The following CCDC148 variants were observed in gnomAD, a reference collection of about 807,000 sequenced individuals.
The protein encoded by CCDC148 is coiled-coil domain containing 148.
CCDC148 carries 89 observed loss-of-function variants against 85.7 expected under a neutral mutation model. The ratio of observed to expected loss-of-function variants is 1.04; its 90% CI spans 0.87 to 1.24. The LOEUF (loss-of-function observed/expected upper bound fraction) is 1.24. Ranked by LOEUF, CCDC148 falls within the 50% of genes most tolerant of loss-of-function variation. The pLI, the probability that CCDC148 is intolerant of heterozygous loss-of-function variation, is 0.00. For missense variants in CCDC148, 692 were observed against 671.7 expected, an observed-to-expected ratio of 1.03 and a Z score of -0.33; for synonymous variants, 230 against 213.9, an observed-to-expected ratio of 1.08 and a Z score of -0.66.
intron 7 of CCDC148, among the ~76,000 whole-genome samples, chr2:158,333,303 T>C (rs1370377381): frequency 6.6e-6 from 1 of 152,232 alleles, no homozygotes; most frequent in African/African-American, 2.4e-5. Flanking sequence ...AGGAGCAGGT[T>C]GTTCAGTTTC....
At chr2:158,203,018 A>G (rs1243104501) in intron 11 of CCDC148, among the ~76,000 whole-genome samples, 4 of 152,172 alleles carry the variant, frequency 2.6e-5, no homozygotes, top group Admixed American at 1.3e-4. Flanking sequence ...GACCTCCAAG[A>G]TTAAAGAAGT....
intron 7 of CCDC148, among the ~76,000 whole-genome samples, chr2:158,331,829 A>C (rs1042164690): frequency 5.3e-5 from 8 of 151,940 alleles, no homozygotes; most frequent in Admixed American, 2.6e-4. Flanking sequence ...GGATTGCAAC[A>C]CCTGCCTTTT....
chr2:158,333,855 A>G (rs1037798340), intron 7 of CCDC148, among the ~76,000 whole-genome samples: 2 of 152,070 alleles, frequency 1.3e-5, no homozygotes, highest in African/African-American at 4.8e-5. Flanking sequence ...GAAGTTGGGT[A>G]GTATCAGTCC....
At chr2:158,294,009 CTT>C (rs1559049792) in intron 9 of CCDC148, among the ~76,000 whole-genome samples, 1 of 10,580 alleles carries the variant, frequency 9.5e-5, no homozygotes, top group Non-Finnish European at 1.5e-4. Context: ...TCCCTCCTTC[CTT>C]CCTTCCTTCC....
At chr2:158,277,663 CTCG>C (rs1690020334) in intron 9 of CCDC148, among the ~76,000 whole-genome samples, 1 of 139,798 alleles carries the variant, frequency 7.2e-6, no homozygotes, top group African/African-American at 2.9e-5. Context: ...GTGGCGTGAT[CTCG>C]CCTCACTGTA....
At chr2:158,427,169 C>A (rs1687116170) in intron 1 of CCDC148, among the ~76,000 whole-genome samples, 1 of 152,072 alleles carries the variant, frequency 6.6e-6, no homozygotes, top group African/African-American at 2.4e-5. Context: ...TTTAAAAGGC[C>A]ATAAATAGTC....
At chr2:158,185,540 T>C (rs760502973) in intron 11 of CCDC148, among the ~76,000 whole-genome samples, 3 of 152,106 alleles carry the variant, frequency 2.0e-5, no homozygotes, top group Non-Finnish European at 4.4e-5. Context: ...TTTTAATCAG[T>C]TCTAAGCCTG....
intron 2 of CCDC148, among the ~76,000 whole-genome samples, chr2:158,349,274 G>GT (rs1683145289): frequency 2.6e-5 from 4 of 152,010 alleles, no homozygotes; most frequent in African/African-American, 9.6e-5. Flanking sequence ...GAAAAGTGCT[G>GT]TAATAATTAA....
At chr2:158,408,453 A>T (rs1374630668) in intron 1 of CCDC148, among the ~76,000 whole-genome samples, 1 of 152,074 alleles carries the variant, frequency 6.6e-6, no homozygotes, top group African/African-American at 2.4e-5. Context: ...GACTATTTTA[A>T]ATTCCACATA....
chr2:158,427,434 G>T (rs1001056140), intron 1 of CCDC148, among the ~76,000 whole-genome samples: 2 of 151,982 alleles, frequency 1.3e-5, no homozygotes, highest in African/African-American at 4.8e-5. Context: ...TGTATTTAAA[G>T]GGAAAAAAGG....
intron 1 of CCDC148, among the ~76,000 whole-genome samples, chr2:158,426,951 G>A (rs1049673126): frequency 6.6e-6 from 1 of 152,150 alleles, no homozygotes; most frequent in Non-Finnish European, 1.5e-5. Flanking sequence ...TGTGTTGTCA[G>A]TAGGCACAGT....
intron 2 of CCDC148, among the ~76,000 whole-genome samples, chr2:158,357,180 G>A (rs1311112602): frequency 2.0e-5 from 3 of 150,900 alleles, no homozygotes; most frequent in African/African-American, 2.4e-5. Flanking sequence ...GTATACATAT[G>A]TAACTAACCT....
chr2:158,414,384 G>A (rs1183378987), intron 1 of CCDC148, among the ~76,000 whole-genome samples: 7 of 152,142 alleles, frequency 4.6e-5, no homozygotes, highest in South Asian at 2.1e-4. Flanking sequence ...GATCAGATAG[G>A]ATCAGAGCTT....
chr2:158,403,243 A>G (rs965432937), intron 1 of CCDC148, among the ~76,000 whole-genome samples: 1 of 151,998 alleles, frequency 6.6e-6, no homozygotes, highest in African/African-American at 2.4e-5. Flanking sequence ...AATGTCTGTC[A>G]ACTCCAATGA....
intron 9 of CCDC148, among the ~76,000 whole-genome samples, chr2:158,306,842 A>C (rs1301667296): frequency 5.5e-5 from 8 of 144,400 alleles, no homozygotes; most frequent in Admixed American, 4.8e-4. Context: ...AAAAAAAAAA[A>C]CACTAAAAAA....
chr2:158,311,477 G>GGGAGAGGGGGAGACCGT (rs202061198), intron 8 of CCDC148, among the ~76,000 whole-genome samples: 8,833 of 152,098 alleles, frequency 0.058, 345 homozygotes, highest in Non-Finnish European at 0.081. Context: ...ATGGAGACGA[G>GGGAGAGGGGGAGACCGT]GGAGAGGGGG....
intron 1 of CCDC148, among the ~76,000 whole-genome samples, chr2:158,365,860 C>A (rs1311891597): frequency 6.6e-6 from 1 of 152,032 alleles, no homozygotes; most frequent in African/African-American, 2.4e-5. Context: ...TTAACACAAA[C>A]CCATTGTAAA....
chr2:158,361,776 G>A (rs559028185), intron 1 of CCDC148, among the ~76,000 whole-genome samples: 6 of 151,898 alleles, frequency 4.0e-5, no homozygotes, highest in Non-Finnish European at 5.9e-5. Context: ...ACAAAATAAC[G>A]AGCTAGCATC....
intron 9 of CCDC148, among the ~76,000 whole-genome samples, chr2:158,275,736 G>GA (rs11291236): frequency 0.2 from 28,907 of 146,694 alleles, 3,381 homozygotes; most frequent in Middle Eastern, 0.33. Flanking sequence ...AATTTAAATT[G>GA]AAAAAAAAAA....
Sources: allele counts gnomAD v4.1 joint callset (sites outside exome capture counted in the v4.1 genomes callset), GRCh38; gene constraint gnomAD v4.1.1; transcripts MANE v1.5; gene names NCBI Gene and HGNC (gene_info 2026-07-23, HGNC 2026-07-21).